SNAP29: variants seen among roughly 807,000 people sequenced by gnomAD.
The protein encoded by SNAP29 is synaptosome associated protein 29, also known as synaptosomal-associated protein 29.
In SNAP29, 13 loss-of-function variants were observed where a neutral mutation model predicts 27.9. That is an observed-to-expected ratio of 0.47 (90% CI 0.30 to 0.74). The LOEUF is 0.74. SNAP29 is among the 30% of genes least tolerant of loss of function. The probability of loss-of-function intolerance (pLI) is 0.06; values close to 1 mark genes in which losing one functional copy is unlikely to be tolerated. For missense variants in SNAP29, 368 were observed against 336.5 expected (o/e 1.09, Z -0.73); for synonymous variants, 119 against 127.1 (o/e 0.94, Z 0.43).
rs1161660349 is a variant in SNAP29 at position 20,879,848 on chromosome 22, AT to A, written c.435-1198del. Among the ~76,000 whole-genome samples, 100 of 124,296 alleles carry A rather than the reference AT, an allele frequency of 8.0e-4. 3 individuals carry two copies. Among genetic ancestry groups the A allele is most frequent in the Middle Eastern group, 3.8e-3 (1 of 264 alleles). The allele number at this position is 124,296 out of a possible 152,430, so 81.5% of individuals were successfully genotyped here. A position where few individuals can be genotyped will look rare whatever the true frequency, so the allele number is the denominator to read the frequency against. On this transcript the variant is annotated intron_variant, in intron 2 of 4. Coordinates refer to ENST00000215730, the MANE Select transcript of SNAP29 (RefSeq NM_004782.4). ...ACAGAGCGAGACTCTGTCTGAAAAA[AT>A]TTAAAAAAAAAAAAAAAAAAAAAAA...
chr22:20,875,231 T>C (rs1204695750), intron 2 of SNAP29, among the ~76,000 whole-genome samples: 1 of 152,180 alleles, frequency 6.6e-6, no homozygotes, highest in Admixed American at 6.6e-5. Context: ...GCTGACAGCT[T>C]TCCAAGCTGC....
chr22:20,886,604 C>T (rs1929021284), intron 4 of SNAP29, among the ~76,000 whole-genome samples: 2 of 150,838 alleles, frequency 1.3e-5, no homozygotes, highest in South Asian at 4.2e-4. Context: ...CCACCACACT[C>T]AGCCTATCTT....
rs756495171 is a variant in SNAP29 at position 20,875,943 on chromosome 22, C to T, written c.435-5106C>T. Among the ~76,000 whole-genome samples the T allele has an allele frequency of 9.9e-5, 15 of 151,910 alleles. No homozygotes were observed. The South Asian group carries it at 1.9e-3, about 19-fold the overall frequency. Reference sequence around the variant, plus strand: ...TTGGGAGGCTAAGGTGGGCGGATCACGAGGTCAGGAGATCGAGACCATCCT... The same window carrying T: ...TTGGGAGGCTAAGGTGGGCGGATCATGAGGTCAGGAGATCGAGACCATCCT... On this transcript the variant is annotated intron_variant, in intron 2 of 4. Transcript: ENST00000215730.
chr22:20,871,630 C>G (rs1021891569), intron 2 of SNAP29, among the ~76,000 whole-genome samples: 2 of 152,102 alleles, frequency 1.3e-5, no homozygotes, highest in Non-Finnish European at 2.9e-5. Flanking sequence ...CGCCTATAAT[C>G]CTAGCACTTG....
intron 1 of SNAP29, 38 bp downstream of exon 1, chr22:20,859,385 T>A: frequency 7.3e-7 from 1 of 1,369,584 alleles, no homozygotes; most frequent in Non-Finnish European, 1.0e-6. Context: ...CTCGCCGGTC[T>A]CTGTGCTGTC....
chr22:20,872,510 C>G (rs1182498298), intron 2 of SNAP29, among the ~76,000 whole-genome samples: 2 of 152,168 alleles, frequency 1.3e-5, no homozygotes, highest in African/African-American at 4.8e-5. Context: ...ATGCCGTTCT[C>G]CTGCCTCAGC....
chr22:20,875,946 G>A (rs1256985851), intron 2 of SNAP29, among the ~76,000 whole-genome samples: 1 of 151,948 alleles, frequency 6.6e-6, no homozygotes, highest in Admixed American at 6.6e-5. Flanking sequence ...CGGATCACGA[G>A]GTCAGGAGAT....
At position 20,870,352 on chromosome 22, in the gene SNAP29, C is replaced by T. The variant is rs1928559435; in HGVS notation, c.253C>T (p.Arg85Ter). Reference protein sequence around the residue: ...VASSEELARQRGVLERTEKMV... With the variant: ...VASSEELARQ ...GTTTCCCCAGGAGCTCGCCCGTCAG[C>T]GAGGAGTCCTGGAGCGCACAGAGAA... The change falls in exon 2 of 5, where the codon CGA (arginine) becomes TGA (stop). Residue 85 changes from arginine (R) to a stop codon, truncating the protein, a stop_gained. Transcript: ENST00000215730. LOFTEE classifies it high-confidence loss of function. 8.1e-6 allele frequency: 13 copies of T among 1,613,946 alleles called. No individual in the cohort carries two copies. Among genetic ancestry groups the T allele is most frequent in the Non-Finnish European group, 1.1e-5 (13 of 1,180,002 alleles).
chr22:20,870,557 G>A lies in SNAP29; in HGVS notation c.434+24G>A, dbSNP rs140152022. 3,369 of 1,607,406 alleles carry A rather than the reference G, an allele frequency of 2.1e-3. 6 individuals carry two copies. Among genetic ancestry groups the A allele is most frequent in the Non-Finnish European group, 2.7e-3 (3,136 of 1,175,498 alleles). On this transcript the variant is annotated intron_variant, in intron 2 of 4. Coordinates refer to ENST00000215730, the MANE Select transcript of SNAP29 (RefSeq NM_004782.4). ...AGGTGAGTGCATCTTCTACCATCTG[G>A]GTATAAAGGAGCAGAAGTGGGGATT...
At chr22:20,884,331 T>TAAAA (rs397868049) in intron 4 of SNAP29, among the ~76,000 whole-genome samples, 1 of 133,274 alleles carries the variant, frequency 7.5e-6, no homozygotes, top group Non-Finnish European at 1.6e-5. Flanking sequence ...AAACTCCACC[T>TAAAA]AAAAAAAAAA....
chr22:20,871,758 C>T (rs1049543708), intron 2 of SNAP29, among the ~76,000 whole-genome samples: 3 of 151,792 alleles, frequency 2.0e-5, no homozygotes, highest in East Asian at 1.9e-4. Flanking sequence ...GGCGGGCGCC[C>T]GTAGTCCCAG....
At chr22:20,870,903 A>T in intron 2 of SNAP29, 3 of 338,752 alleles carry the variant, frequency 8.9e-6, no homozygotes, top group South Asian at 7.2e-5. Context: ...TCAGGATGCC[A>T]AGGTGGGTAG....
intron 2 of SNAP29, among the ~76,000 whole-genome samples, chr22:20,878,846 A>G (rs1928813928): frequency 6.6e-6 from 1 of 152,208 alleles, no homozygotes; most frequent in Non-Finnish European, 1.5e-5. Context: ...GTCGGGGATC[A>G]GCAGGGCATC....
At chr22:20,880,729 AT>A (rs1348265344) in intron 2 of SNAP29, among the ~76,000 whole-genome samples, 1 of 151,716 alleles carries the variant, frequency 6.6e-6, no homozygotes, top group Non-Finnish European at 1.5e-5. Flanking sequence ...ACAAGGTCTC[AT>A]TATGTTTCCC....
chr22:20,870,258 G>A, intron 1 of SNAP29, 79 bp from the exon 2 acceptor site: 1 of 1,285,644 alleles, frequency 7.8e-7, no homozygotes, highest in Admixed American at 1.7e-5. Context: ...TTTATGAAGG[G>A]GCTGCTCCAT....
chr22:20,886,925 T>C (rs1055820786), intron 4 of SNAP29, among the ~76,000 whole-genome samples: 1 of 151,954 alleles, frequency 6.6e-6, no homozygotes, highest in Non-Finnish European at 1.5e-5. Context: ...AACTACCTTT[T>C]TAAAAAAACT....
Position 20,890,098 on chromosome 22 carries a change from T to C in SNAP29, c.*2262T>C, listed in dbSNP as rs1929113916. 1 of 395,672 alleles carries C rather than the reference T, an allele frequency of 2.5e-6. No homozygotes were observed. Among genetic ancestry groups the C allele is most frequent in the African/African-American group, 2.1e-5 (1 of 48,570 alleles). The allele number at this position is 395,672 out of a possible 1,614,324, so 24.5% of individuals were successfully genotyped here. On this transcript the variant is annotated 3_prime_UTR_variant, in exon 5 of 5. Coordinates refer to ENST00000215730, the MANE Select transcript of SNAP29 (RefSeq NM_004782.4). ...CGTCCTGTGCTGAGGGGACTGTCCG[T>C]AAGCTACAGGACAGCGAGCTGGTCC...
intron 2 of SNAP29, among the ~76,000 whole-genome samples, chr22:20,874,594 G>C (rs1005906985): frequency 8.4e-5 from 12 of 142,022 alleles, no homozygotes; most frequent in South Asian, 4.4e-4. Flanking sequence ...AAAAAAAAAA[G>C]TACTGCAGGA....
chr22:20,873,690 G>C (rs1285626306), intron 2 of SNAP29, among the ~76,000 whole-genome samples: 2 of 151,440 alleles, frequency 1.3e-5, no homozygotes, highest in African/African-American at 2.4e-5. Context: ...AAATGAAGTT[G>C]GGCATGGTGG....
Sources: gnomAD v4.1 joint callset for allele counts (sites outside exome capture counted in the v4.1 genomes callset) on GRCh38, gnomAD v4.1.1 for gene constraint, MANE v1.5 for transcripts, NCBI Gene and HGNC (gene_info 2026-07-23, HGNC 2026-07-21) for gene names.